Variants in NKD1 observed in about 807,000 individuals in gnomAD.
NKD1 encodes the protein NKD inhibitor of Wnt signaling pathway 1.
A neutral mutation model predicts 56.0 loss-of-function variants in NKD1; 21 were observed. The ratio of observed to expected loss-of-function variants is 0.38; its 90% CI spans 0.27 to 0.54. The LOEUF (loss-of-function observed/expected upper bound fraction) is 0.54, where lower values mean the gene tolerates loss of function less well. Ranked by LOEUF, NKD1 falls within the 20% of genes least tolerant of loss-of-function variation. The pLI is 0.82. For synonymous variants in NKD1, 263 were observed against 265.7 expected, an observed-to-expected ratio of 0.99 and a Z score of 0.10; for missense variants, 578 against 642.7, an observed-to-expected ratio of 0.90 and a Z score of 1.09.
In NKD1 at chr16:50,633,592, G is replaced by A. The variant is rs200433062; in HGVS notation, c.1224G>A (p.Glu408=). 1.2e-6 allele frequency: 2 copies of A among 1,611,516 alleles called. No individual in the cohort carries two copies. The highest frequency in any genetic ancestry group is 8.5e-7 in the Non-Finnish European group (1 of 1,179,514). Residue 408 remains glutamate, a synonymous_variant, in exon 10 of 10, where the codon GAG becomes GAA. Coordinates refer to ENST00000268459, the MANE Select transcript of NKD1 (RefSeq NM_033119.5). This position sits in a 1 kb window ranked among gnomAD's most constrained non-coding sequence, Gnocchi z 4.9. ...GHKKHKHRAK[E]SQQGCRGLQA... is the part of the protein sequence containing the mutation. ...AGAAGCACAAGCACCGAGCCAAGGAGAGCCAGCAGGGCTGCCGGGGCCTGC... is the reference window on the plus strand; with the variant it reads ...AGAAGCACAAGCACCGAGCCAAGGAAAGCCAGCAGGGCTGCCGGGGCCTGC...
At chr16:50,569,770 T>C (rs1225071532) in intron 3 of NKD1, among the ~76,000 whole-genome samples, 1 of 152,206 alleles carries the variant, frequency 6.6e-6, no homozygotes, top group Non-Finnish European at 1.5e-5. Flanking sequence ...CCTTGTTGTA[T>C]CTTGTGAGCT....
chr16:50,563,289 C>G (rs1960683297), intron 3 of NKD1, among the ~76,000 whole-genome samples: 1 of 152,028 alleles, frequency 6.6e-6, no homozygotes, highest in Non-Finnish European at 1.5e-5. Context: ...ACTCCATCCT[C>G]AGTGGGCACA....
intron 3 of NKD1, among the ~76,000 whole-genome samples, chr16:50,591,042 C>T (rs774241203): frequency 1.2e-4 from 18 of 152,068 alleles, no homozygotes; most frequent in Non-Finnish European, 2.4e-4. Context: ...AGGCTGGTCT[C>T]GAACTCCTGA....
rs143012248 is a variant in NKD1 at position 50,634,258 on chromosome 16, A to G, written c.*477A>G. On this transcript the variant is annotated 3_prime_UTR_variant, in exon 10 of 10. Coordinates refer to ENST00000268459, the MANE Select transcript of NKD1 (RefSeq NM_033119.5). ...TATTTTGCCCTTAACTGATTGTTAT[A>G]TGCTACAAGGGATTTCAGTGGACTG... The G allele has an allele frequency of 5.3e-3, 821 of 153,636 alleles. 4 individuals are homozygous for G. Among genetic ancestry groups the G allele is most frequent in the Middle Eastern group, 0.017 (5 of 296 alleles). The allele number at this position is 153,636 out of a possible 1,614,324, so 9.5% of individuals were successfully genotyped here. A position where few individuals can be genotyped will look rare whatever the true frequency, so the allele number is the denominator to read the frequency against.
chr16:50,632,229 GC>G lies in NKD1; in HGVS notation c.696-47del. 1 of 1,602,740 alleles carries G rather than the reference GC, an allele frequency of 6.2e-7. No individual in the cohort carries two copies. Among genetic ancestry groups the G allele is most frequent in the Non-Finnish European group, 8.5e-7 (1 of 1,171,330 alleles). On this transcript the variant is annotated intron_variant, in intron 8 of 9. Coordinates refer to ENST00000268459, the MANE Select transcript of NKD1 (RefSeq NM_033119.5). This position sits in a 1 kb window ranked among gnomAD's most constrained non-coding sequence, Gnocchi z 4.1. Reference sequence around the variant, plus strand: ...GGGCTTCCTAGTAGCCTATGCGCTTGCCCCCACCTGGTGGTTGGTGTTATCC... The same window carrying G: ...GGGCTTCCTAGTAGCCTATGCGCTTGCCCCACCTGGTGGTTGGTGTTATCC...
At chr16:50,587,733 T>C (rs11859114) in intron 3 of NKD1, among the ~76,000 whole-genome samples, 17,789 of 151,998 alleles carry the variant, frequency 0.12, 2,057 homozygotes, top group African/African-American at 0.3. Context: ...GGGCCAAGGG[T>C]GGGTACAGGT....
chr16:50,570,344 A>T (rs982565487), intron 3 of NKD1, among the ~76,000 whole-genome samples: 1 of 152,194 alleles, frequency 6.6e-6, no homozygotes. Context: ...TAGTCTTTTT[A>T]AGTATAAAAC....
chr16:50,599,402 C>T (rs1488013320), intron 3 of NKD1, among the ~76,000 whole-genome samples: 4 of 152,118 alleles, frequency 2.6e-5, no homozygotes, highest in African/African-American at 9.7e-5. Flanking sequence ...CAAAGTCACA[C>T]AGTATAAAAG....
rs150291311 is a variant in NKD1, at chr16:50,574,942, AAACATCAG to A, written c.192+25390_192+25397del. 5,289 of 985,362 alleles carry A rather than the reference AAACATCAG, an allele frequency of 5.4e-3. 238 individuals are homozygous for A. In the African/African-American group the frequency reaches 0.085, roughly 16 times the overall value. The allele number at this position is 985,362 out of a possible 1,614,324, so 61.0% of individuals were successfully genotyped here. ...TTGGAAACTTTTTCCTTTTCCCTTT[AAACATCAG>A]AATTGGCTTAGGGCATTCTTTAAAA... is the stretch of plus-strand genomic sequence containing the variant. On this transcript the variant is annotated intron_variant, in intron 3 of 9. Coordinates refer to ENST00000268459, the MANE Select transcript of NKD1 (RefSeq NM_033119.5).
intron 7 of NKD1, 68 bp downstream of exon 7, chr16:50,630,401 G>A: frequency 6.4e-7 from 1 of 1,566,440 alleles, no homozygotes; most frequent in Admixed American, 1.7e-5. Context: ...GAGCCTTCCT[G>A]GGAGGGCCGG....
rs374394871 is a variant in NKD1, at chr16:50,633,488, G to A, written c.1120G>A (p.Ala374Thr). Residue 374 changes from alanine (A) to threonine (T), a missense_variant, in exon 10 of 10, where the codon GCC becomes ACC. Coordinates refer to ENST00000268459, the MANE Select transcript of NKD1 (RefSeq NM_033119.5). The surrounding 1 kb of genome is among the most constrained non-coding windows in gnomAD (Gnocchi z 4.9). ...GARNKPPLGP[A>T]IPAVSPSAHL... ...AAGAAACAAGCCCCCTCTGGGACCC[G>A]CCATCCCTGCGGTGTCCCCCTCCGC... 1.7e-5 allele frequency: 28 copies of A among 1,608,838 alleles called. No homozygotes were observed. Among genetic ancestry groups the A allele is most frequent in the Admixed American group, 5.0e-5 (3 of 59,568 alleles).
chr16:50,566,206 C>T (rs1380551933), intron 3 of NKD1: 1 of 984,656 alleles, frequency 1.0e-6, no homozygotes, highest in Non-Finnish European at 1.2e-6. Flanking sequence ...CTGTTTCATA[C>T]AGTCAAGTTC....
At chr16:50,549,337 C>T (rs1960320936) in intron 2 of NKD1, 85 bp from the exon 3 acceptor site, 19 of 1,530,702 alleles carry the variant, frequency 1.2e-5, no homozygotes, top group Non-Finnish European at 1.5e-5. Context: ...CCTTCGCCTC[C>T]CACCGCGCCT....
At position 50,564,816 on chromosome 16, in the gene NKD1, C is replaced by T. The variant is rs142420974; in HGVS notation, c.192+15261C>T. On this transcript the variant is annotated intron_variant, in intron 3 of 9. Transcript: ENST00000268459. ...TTTCCTTTCTGTAAATTAAGTCGTA[C>T]GCATGGTTAAAAAAAAAAGAAAAGA... is the stretch of plus-strand genomic sequence containing the variant. Among the ~76,000 whole-genome samples, 184 of 151,880 alleles carry T rather than the reference C, an allele frequency of 1.2e-3. 1 individual carries two copies. The highest frequency in any genetic ancestry group is 2.1e-3 in the Admixed American group (32 of 15,272).
intron 4 of NKD1, among the ~76,000 whole-genome samples, chr16:50,609,071 C>T (rs1379776287): frequency 6.6e-6 from 1 of 152,230 alleles, no homozygotes; most frequent in Non-Finnish European, 1.5e-5. Flanking sequence ...GTGACCTTCC[C>T]ACCTTGGCCT....
chr16:50,626,019 A>C (rs1027951085), intron 6 of NKD1, among the ~76,000 whole-genome samples: 1 of 152,202 alleles, frequency 6.6e-6, no homozygotes, highest in Non-Finnish European at 1.5e-5. Context: ...TGGGGGCACA[A>C]AGAGGCCACA....
chr16:50,637,090 T>G lies in NKD1; in HGVS notation c.*3309T>G, dbSNP rs1962484132. The G allele has an allele frequency of 6.6e-6, 1 of 152,216 alleles. No homozygotes were observed. The highest frequency in any genetic ancestry group is 2.4e-5 in the African/African-American group (1 of 41,438). The allele number at this position is 152,216 out of a possible 1,614,324, so 9.4% of individuals were successfully genotyped here. On this transcript the variant is annotated 3_prime_UTR_variant, in exon 10 of 10. Transcript: ENST00000268459. ...GTCACCAGCTTGCCCCATCCCCTCC[T>G]GGTGGTCATAAGGGTCATCTCTCAT...
At chr16:50,611,100 C>T (rs754539360) in intron 4 of NKD1, among the ~76,000 whole-genome samples, 1 of 152,210 alleles carries the variant, frequency 6.6e-6, no homozygotes, top group East Asian at 1.9e-4. Flanking sequence ...TTGGGCCCCA[C>T]GGGGAGAATG....
chr16:50,616,090 AC>A (rs1386785468), intron 4 of NKD1: 5 of 455,928 alleles, frequency 1.1e-5, no homozygotes, highest in Admixed American at 7.0e-5. Flanking sequence ...TTGGCAAGCA[AC>A]CCTGAGACTA....
Sources: allele counts gnomAD v4.1 joint callset (sites outside exome capture counted in the v4.1 genomes callset), GRCh38; gene constraint gnomAD v4.1.1; non-coding constraint Gnocchi (gnomAD v3.1); transcripts MANE v1.5; gene names NCBI Gene and HGNC (gene_info 2026-07-23, HGNC 2026-07-21).